Variants in RCC1 observed in about 807,000 individuals in gnomAD.
The protein encoded by RCC1 is regulator of chromosome condensation.
In RCC1, 11 loss-of-function variants were observed where a neutral mutation model predicts 44.4. That is an observed-to-expected ratio of 0.25 (90% CI 0.16 to 0.41). The LOEUF (loss-of-function observed/expected upper bound fraction) is 0.41. RCC1 is among the 10% of genes least tolerant of loss of function. RCC1 has a pLI of 1.00. For synonymous variants in RCC1, 213 were observed against 216.5 expected, an observed-to-expected ratio of 0.98 and a Z score of 0.14; for missense variants, 386 against 547.1, an observed-to-expected ratio of 0.71 and a Z score of 2.94.
chr1:28,522,959 G>A (rs1663381679), intron 4 of RCC1, among the ~76,000 whole-genome samples: 1 of 151,620 alleles, frequency 6.6e-6, no homozygotes, highest in Non-Finnish European at 1.5e-5. Flanking sequence ...AAAGGAGGAG[G>A]AGACACAGTT....
At chr1:28,523,583 T>A (rs1297447606) in intron 4 of RCC1, among the ~76,000 whole-genome samples, 1 of 152,174 alleles carries the variant, frequency 6.6e-6, no homozygotes, top group Admixed American at 6.5e-5. Flanking sequence ...CACCAACACT[T>A]CATATAGCCC....
At chr1:28,506,178 T>C (rs1349479405) in intron 1 of RCC1, 94 bp downstream of exon 1, 1 of 444,706 alleles carries the variant, frequency 2.2e-6, no homozygotes, top group East Asian at 7.0e-5. Flanking sequence ...CCTAGGAAGA[T>C]CATATAGTAT....
chr1:28,521,958 T>C (rs1042833017), intron 4 of RCC1, among the ~76,000 whole-genome samples: 3 of 152,358 alleles, frequency 2.0e-5, no homozygotes, highest in Non-Finnish European at 4.4e-5. Context: ...AAGTTATCTT[T>C]CTGAGCCTCA....
At chr1:28,532,032 G>A (rs770922976) in intron 6 of RCC1, 42 bp downstream of exon 6, 10 of 1,557,140 alleles carry the variant, frequency 6.4e-6, no homozygotes, top group African/African-American at 1.4e-5. Flanking sequence ...AAGGCCTGGG[G>A]TTGGGTGGCT....
intron 3 of RCC1, among the ~76,000 whole-genome samples, chr1:28,516,293 CAT>C (rs1267098557): frequency 6.6e-6 from 1 of 151,994 alleles, no homozygotes; most frequent in Admixed American, 6.6e-5. Context: ...GTGGGTGGCT[CAT>C]GAGATCAGGA....
chr1:28,517,292 T>C (rs951476780), intron 4 of RCC1, among the ~76,000 whole-genome samples: 3 of 152,148 alleles, frequency 2.0e-5, no homozygotes, highest in Non-Finnish European at 2.9e-5. Context: ...GTATCCATCC[T>C]GAAGAATGGG....
Position 28,538,157 on chromosome 1 carries a change from T to C in RCC1, c.*150T>C. 1 of 630,378 alleles carries C rather than the reference T, an allele frequency of 1.6e-6. No individual in the cohort carries two copies. Among genetic ancestry groups the C allele is most frequent in the Non-Finnish European group, 2.6e-6 (1 of 386,622 alleles). The allele number at this position is 630,378 out of a possible 1,614,324, so 39.0% of individuals were successfully genotyped here. A position where few individuals can be genotyped will look rare whatever the true frequency, so the allele number is the denominator to read the frequency against. On this transcript the variant is annotated 3_prime_UTR_variant, in exon 13 of 13. Coordinates refer to ENST00000683442, the MANE Select transcript of RCC1 (RefSeq NM_001381865.2). ...TCTCATCAGCAGAACAGAATCCTTT[T>C]CCTCTTTTCCTTCCTCCTCTTTGGA...
intron 9 of RCC1, 162 bp from the exon 10 acceptor site, chr1:28,535,709 A>G: frequency 1.2e-6 from 1 of 844,344 alleles, no homozygotes. Flanking sequence ...TGAGCAAGGC[A>G]CTTGTATTCT....
At chr1:28,528,820 A>AT (rs1557876017) in intron 4 of RCC1, among the ~76,000 whole-genome samples, 1 of 144,082 alleles carries the variant, frequency 6.9e-6, no homozygotes, top group African/African-American at 2.6e-5. Context: ...AAAAAAAAAA[A>AT]TGGATGATAG....
chr1:28,528,391 G>A (rs1042692677), intron 4 of RCC1, among the ~76,000 whole-genome samples: 20 of 152,334 alleles, frequency 1.3e-4, no homozygotes, highest in Admixed American at 5.2e-4. Flanking sequence ...AGGAGGCAGA[G>A]GTTGCATGAG....
At chr1:28,529,311 G>T (rs1663942446) in intron 4 of RCC1, among the ~76,000 whole-genome samples, 1 of 150,286 alleles carries the variant, frequency 6.7e-6, no homozygotes, top group South Asian at 2.1e-4. Flanking sequence ...AGCCTCCTGA[G>T]TAGCTGGGAT....
intron 1 of RCC1, 65 bp downstream of exon 1, chr1:28,506,149 A>G (rs1388035436): frequency 2.2e-6 from 1 of 451,112 alleles, no homozygotes; most frequent in Non-Finnish European, 4.4e-6. Context: ...CTAATGCTAT[A>G]GATCAGTAGC....
chr1:28,529,182 C>CTTTTTT (rs568053824), intron 4 of RCC1, among the ~76,000 whole-genome samples: 10 of 80,502 alleles, frequency 1.2e-4, no homozygotes, highest in South Asian at 4.1e-4. Flanking sequence ...CGCGCCCAGG[C>CTTTTTT]TTTTTTTTTT....
intron 3 of RCC1, among the ~76,000 whole-genome samples, chr1:28,515,483 G>A (rs1051429840): frequency 1.1e-4 from 17 of 149,828 alleles, no homozygotes; most frequent in African/African-American, 2.9e-4. Flanking sequence ...TTGGGAGGCC[G>A]AGATGGGTGG....
intron 3 of RCC1, among the ~76,000 whole-genome samples, chr1:28,515,377 T>C (rs567946552): frequency 1.3e-5 from 2 of 150,552 alleles, no homozygotes; most frequent in East Asian, 3.9e-4. Context: ...TGAGCCGAGA[T>C]CCTGCCACTG....
intron 4 of RCC1, among the ~76,000 whole-genome samples, chr1:28,519,550 G>T (rs1044882768): frequency 6.6e-6 from 1 of 151,962 alleles, no homozygotes; most frequent in African/African-American, 2.4e-5. Context: ...CAATGGTAGG[G>T]GGCATGTGGT....
At chr1:28,533,860 T>C (rs1273505053) in intron 7 of RCC1, among the ~76,000 whole-genome samples, 2 of 16,826 alleles carry the variant, frequency 1.2e-4, no homozygotes, top group African/African-American at 8.7e-4. Flanking sequence ...TTTTTTTTTT[T>C]TTTTTTTTTT....
Position 28,536,249 on chromosome 1 carries a change from G to A in RCC1, c.818-13G>A, listed in dbSNP as rs1664550075. 1 of 1,613,280 alleles carries A rather than the reference G, an allele frequency of 6.2e-7. No homozygotes were observed. The highest frequency in any genetic ancestry group is 1.3e-5 in the African/African-American group (1 of 74,920). On this transcript the variant is annotated splice_polypyrimidine_tract_variant and intron_variant, in intron 10 of 12. Coordinates refer to ENST00000683442, the MANE Select transcript of RCC1 (RefSeq NM_001381865.2). This position sits in a 1 kb window ranked among gnomAD's most constrained non-coding sequence, Gnocchi z 4.9. Reference sequence around the variant, plus strand: ...AACACCTTCACCCCTGATGGCTCCGGCCTTTCCCCCAGGAACTCCGGGCAC... The same window carrying A: ...AACACCTTCACCCCTGATGGCTCCGACCTTTCCCCCAGGAACTCCGGGCAC...
At position 28,536,754 on chromosome 1, in the gene RCC1, A is replaced by G. The variant is rs1219290443; in HGVS notation, c.945A>G (p.Ala315=). ...CTCTCCCTCCTCCCATAGGAAAAGC[A>G]TACAGCCTGGGCCGGGCTGAGTATG... ...HTVCMDSEGK[A]YSLGRAEYGR... Residue 315 remains alanine (A), a synonymous_variant, in exon 12 of 13, where the codon GCA becomes GCG. Transcript: ENST00000683442. This position sits in a 1 kb window ranked among gnomAD's most constrained non-coding sequence, Gnocchi z 4.9. 11 of 1,613,984 alleles carry G rather than the reference A, an allele frequency of 6.8e-6. No homozygotes were observed. The highest frequency in any genetic ancestry group is 6.7e-5 in the East Asian group (3 of 44,876).
Sources: gnomAD v4.1 joint callset for allele counts (sites outside exome capture counted in the v4.1 genomes callset) on GRCh38, gnomAD v4.1.1 for gene constraint, Gnocchi (gnomAD v3.1) non-coding constraint, MANE v1.5 for transcripts, NCBI Gene and HGNC (gene_info 2026-07-23, HGNC 2026-07-21) for gene names.